The following ARHGAP22 variants were observed in gnomAD, a reference collection of about 807,000 sequenced individuals.
The protein encoded by ARHGAP22 is rho GTPase-activating protein 22.
ARHGAP22 carries 48 observed loss-of-function variants against 59.1 expected under a neutral mutation model. That is an observed-to-expected ratio of 0.81 (90% confidence interval 0.64 to 1.03). ARHGAP22 has a LOEUF of 1.03. Ranked by LOEUF, ARHGAP22 falls within the 50% of genes least tolerant of loss-of-function variation. The pLI, the probability that ARHGAP22 is intolerant of heterozygous loss-of-function variation, is 0.00. For missense variants in ARHGAP22, 1,015 were observed against 958.7 expected (o/e 1.06, Z -0.78); for synonymous variants, 445 against 416.4 (o/e 1.07, Z -0.84).
chr10:48,465,666 G>A (rs1490354094), intron 4 of ARHGAP22, among the ~76,000 whole-genome samples: 1 of 152,218 alleles, frequency 6.6e-6, no homozygotes, highest in Admixed American at 6.5e-5. Flanking sequence ...GTGCAGCTGC[G>A]CAGCAGGTCT....
chr10:48,579,668 G>A (rs1279810831), intron 2 of ARHGAP22, among the ~76,000 whole-genome samples: 1 of 152,228 alleles, frequency 6.6e-6, no homozygotes, highest in Non-Finnish European at 1.5e-5. Context: ...TGGGCTGGGA[G>A]TGATTCTCCT....
At chr10:48,622,769 A>T (rs2061326634) in intron 1 of ARHGAP22, among the ~76,000 whole-genome samples, 1 of 152,210 alleles carries the variant, frequency 6.6e-6, no homozygotes. Context: ...TCAAGAATTT[A>T]AAGTGTGTAG....
At position 48,451,103 on chromosome 10, in the gene ARHGAP22, G is replaced by T; in HGVS notation, c.1026C>A (p.Ile342=). 1 of 1,553,254 alleles carries T rather than the reference G, an allele frequency of 6.4e-7. No individual in the cohort carries two copies. Among genetic ancestry groups the T allele is most frequent in the East Asian group, 2.4e-5 (1 of 41,018 alleles). ...CCGTGAAGAGCTGGCTGTGTTTGCGGATGAGGACGGTCATCAGGTGCTGGA... is the reference window on the plus strand; with the variant it reads ...CCGTGAAGAGCTGGCTGTGTTTGCGTATGAGGACGGTCATCAGGTGCTGGA... The part of the protein sequence containing the change: ...SLVQHLMTVL[I]RKHSQLFTAP... The change falls in exon 9 of 10, where the codon ATC becomes ATA. Residue 342 remains isoleucine (I), a synonymous_variant. Transcript: ENST00000249601.
chr10:48,599,832 C>A (rs1199005541), intron 1 of ARHGAP22, among the ~76,000 whole-genome samples: 2 of 152,216 alleles, frequency 1.3e-5, no homozygotes, highest in Non-Finnish European at 2.9e-5. Context: ...TTGGCCCCTG[C>A]ACCTAGTGAT....
chr10:48,555,077 A>C (rs1299724204), intron 3 of ARHGAP22, among the ~76,000 whole-genome samples: 3 of 152,102 alleles, frequency 2.0e-5, no homozygotes, highest in Non-Finnish European at 4.4e-5. Flanking sequence ...CCACATCCCA[A>C]TTCTCTGCCT....
intron 2 of ARHGAP22, among the ~76,000 whole-genome samples, chr10:48,574,215 C>T (rs1311122434): frequency 6.7e-6 from 1 of 150,094 alleles, no homozygotes; most frequent in East Asian, 2.1e-4. Context: ...TGCACTCATT[C>T]ATTCCATTTA....
intron 3 of ARHGAP22, among the ~76,000 whole-genome samples, chr10:48,502,565 C>T (rs530004010): frequency 6.6e-6 from 1 of 152,294 alleles, no homozygotes; most frequent in East Asian, 1.9e-4. Flanking sequence ...GGTGCCCTGC[C>T]CTCTTGCTTA....
chr10:48,503,504 G>A (rs1030249746), intron 3 of ARHGAP22, among the ~76,000 whole-genome samples: 3 of 152,168 alleles, frequency 2.0e-5, no homozygotes, highest in East Asian at 1.9e-4. Context: ...CTGCTGCTGC[G>A]GCTACTGCTG....
chr10:48,477,759 T>G (rs1035399639), intron 4 of ARHGAP22, among the ~76,000 whole-genome samples: 19 of 152,360 alleles, frequency 1.2e-4, no homozygotes, highest in African/African-American at 4.6e-4. Context: ...CTATGTTCAC[T>G]GGTCATGAGG....
In ARHGAP22 at chr10:48,455,115, C is replaced by T. The variant is rs774595774; in HGVS notation, c.679G>A (p.Val227Met). Residue 227 changes from valine (V) to methionine (M), a missense_variant, in exon 6 of 10, where the codon GTG (valine) becomes ATG (methionine). Transcript: ENST00000249601. ...LFDSTTDVHT[V>M]ASLLKLYLRE... ...AGGTACAGCTTCAGCAGGGAGGCCA[C>T]CGTGTGCACGTCTGTTGTGCTGTGG... 68 of 1,611,370 alleles carry T rather than the reference C, an allele frequency of 4.2e-5. No individual in the cohort carries two copies. The highest frequency in any genetic ancestry group is 5.8e-5 in the Non-Finnish European group (68 of 1,179,054).
intron 3 of ARHGAP22, among the ~76,000 whole-genome samples, chr10:48,538,511 G>A (rs746999232): frequency 1.3e-5 from 2 of 152,154 alleles, no homozygotes; most frequent in South Asian, 2.1e-4. Context: ...CGAAGGCAAC[G>A]GACTAGCAGA....
At chr10:48,564,962 G>T (rs1382430597) in intron 2 of ARHGAP22, among the ~76,000 whole-genome samples, 1 of 152,196 alleles carries the variant, frequency 6.6e-6, no homozygotes, top group Non-Finnish European at 1.5e-5. Context: ...GGAAGCCTCA[G>T]CTAAGTCCAG....
At chr10:48,536,060 T>C (rs1211145715) in intron 3 of ARHGAP22, among the ~76,000 whole-genome samples, 1 of 152,104 alleles carries the variant, frequency 6.6e-6, no homozygotes, top group Non-Finnish European at 1.5e-5. Flanking sequence ...GTTCAAAGCA[T>C]AGATAGATGT....
intron 3 of ARHGAP22, among the ~76,000 whole-genome samples, chr10:48,505,534 C>T (rs1184837227): frequency 6.6e-6 from 1 of 152,102 alleles, no homozygotes; most frequent in African/African-American, 2.4e-5. Context: ...TCTCCTGCCA[C>T]CGAGCCCCAT....
chr10:48,493,848 T>C (rs1965339730), intron 3 of ARHGAP22, among the ~76,000 whole-genome samples: 1 of 152,164 alleles, frequency 6.6e-6, no homozygotes, highest in South Asian at 2.1e-4. Flanking sequence ...CCATCCTATT[T>C]ATCTGGCATG....
chr10:48,526,617 G>A (rs2054347710), intron 3 of ARHGAP22, among the ~76,000 whole-genome samples: 1 of 152,200 alleles, frequency 6.6e-6, no homozygotes, highest in Non-Finnish European at 1.5e-5. Context: ...CATCTGCGGG[G>A]AGTGAGCCCC....
At chr10:48,592,985 G>T (rs1332414197) in intron 1 of ARHGAP22, among the ~76,000 whole-genome samples, 1 of 152,160 alleles carries the variant, frequency 6.6e-6, no homozygotes, top group African/African-American at 2.4e-5. Flanking sequence ...GGCCTATGAG[G>T]GTCCTGGGGA....
intron 5 of ARHGAP22, among the ~76,000 whole-genome samples, chr10:48,457,693 G>A (rs1173689008): frequency 1.3e-5 from 2 of 152,174 alleles, no homozygotes; most frequent in Non-Finnish European, 2.9e-5. Flanking sequence ...GACAGCTCCA[G>A]GCACTGAGGC....
intron 3 of ARHGAP22, among the ~76,000 whole-genome samples, chr10:48,529,235 G>A (rs2054602678): frequency 6.6e-6 from 1 of 152,218 alleles, no homozygotes; most frequent in African/African-American, 2.4e-5. Flanking sequence ...CATAAGCCAG[G>A]TGAGAGATGT....
Sources: allele counts gnomAD v4.1 joint callset (sites outside exome capture counted in the v4.1 genomes callset), GRCh38; gene constraint gnomAD v4.1.1; transcripts MANE v1.5; gene names NCBI Gene and HGNC (gene_info 2026-07-23, HGNC 2026-07-21).